The following FRRS1 variants were observed in gnomAD, a reference collection of about 807,000 sequenced individuals.
The protein encoded by FRRS1 is ferric reductase 1.
FRRS1 carries 51 observed loss-of-function variants against 70.7 expected under a neutral mutation model. The ratio of observed to expected loss-of-function variants is 0.72; its 90% CI spans 0.58 to 0.91. The LOEUF (loss-of-function observed/expected upper bound fraction) is 0.91, where lower values mean the gene tolerates loss of function less well. Ranked by LOEUF, FRRS1 falls within the 40% of genes least tolerant of loss-of-function variation. FRRS1 has a pLI of 0.00. For synonymous variants in FRRS1, 225 were observed against 238.7 expected (o/e 0.94, Z 0.53); for missense variants, 672 against 726.0 (o/e 0.93, Z 0.86).
chr1:99,754,193 C>A (rs1052065331), intron 1 of FRRS1, among the ~76,000 whole-genome samples: 1 of 152,106 alleles, frequency 6.6e-6, no homozygotes, highest in African/African-American at 2.4e-5. Flanking sequence ...AGGCTGGGTA[C>A]CATGGCTCAT....
At position 99,707,401 on chromosome 1, in the gene FRRS1, C is replaced by A. The variant is rs1051901667; in HGVS notation, c.*1627G>T. ...GAATACCTAAAGAAATAAAGTATGA[C>A]TTCCTAAATTTTTTATTTTAAAAAT... On this transcript the variant is annotated 3_prime_UTR_variant, in exon 17 of 17. Transcript: ENST00000646001. Among the ~76,000 whole-genome samples, 3 of 152,012 alleles carry A rather than the reference C, an allele frequency of 2.0e-5. No homozygotes were observed. Among genetic ancestry groups the A allele is most frequent in the Non-Finnish European group, 2.9e-5 (2 of 67,994 alleles).
In FRRS1 at chr1:99,736,921, A is replaced by G. The variant is rs557291296; in HGVS notation, c.759+1165T>C. 2.0e-5 allele frequency among the ~76,000 whole-genome samples: 3 copies of G among 151,840 alleles called. No individual in the cohort carries two copies. The East Asian group carries it at 5.8e-4, about 29-fold the overall frequency. The stretch of plus-strand genomic sequence containing the variant: ...GACCAATGTGATCAAGTGCACTTTC[A>G]GGACGAGCATTAGTTTTTCTATTAC... On this transcript the variant is annotated intron_variant, in intron 7 of 16. Transcript: ENST00000646001.
rs778763615 is a variant in FRRS1 at position 99,707,406 on chromosome 1, T to G, written c.*1622A>C. Among the ~76,000 whole-genome samples the G allele has an allele frequency of 3.9e-5, 6 of 152,174 alleles. No homozygotes were observed. Among genetic ancestry groups the G allele is most frequent in the Non-Finnish European group, 7.4e-5 (5 of 68,020 alleles). ...CCTAAAGAAATAAAGTATGACTTCCTAAATTTTTTATTTTAAAAATGCCCA... is the reference window on the plus strand; with the variant it reads ...CCTAAAGAAATAAAGTATGACTTCCGAAATTTTTTATTTTAAAAATGCCCA... On this transcript the variant is annotated 3_prime_UTR_variant, in exon 17 of 17. Coordinates refer to ENST00000646001, the MANE Select transcript of FRRS1 (RefSeq NM_001361041.2).
chr1:99,733,999 T>C (rs1415484409), intron 7 of FRRS1, among the ~76,000 whole-genome samples: 1 of 152,178 alleles, frequency 6.6e-6, no homozygotes, highest in Middle Eastern at 3.2e-3. Context: ...GATGTGGAAA[T>C]AATATCCCTT....
Position 99,708,378 on chromosome 1 carries a change from T to C in FRRS1, c.*650A>G, listed in dbSNP as rs999690705. On this transcript the variant is annotated 3_prime_UTR_variant, in exon 17 of 17. Transcript: ENST00000646001. ...ACTTTGGGAAGCTGAGGCAGGCAGA[T>C]CACAAGGTCAGGAGATCGAGACCAT... 3.3e-5 allele frequency among the ~76,000 whole-genome samples: 5 copies of C among 151,704 alleles called. No homozygotes were observed. The highest frequency in any genetic ancestry group is 1.2e-4 in the African/African-American group (5 of 41,276).
intron 9 of FRRS1, among the ~76,000 whole-genome samples, chr1:99,727,025 G>A (rs1338425104): frequency 2.0e-5 from 3 of 152,168 alleles, no homozygotes; most frequent in Non-Finnish European, 4.4e-5. Flanking sequence ...CATTTCCCAT[G>A]TTCTAAAGTA....
At chr1:99,728,751 A>G in intron 8 of FRRS1, 111 bp from the exon 9 acceptor site, 1 of 737,252 alleles carries the variant, frequency 1.4e-6, no homozygotes, top group African/African-American at 1.8e-5. Flanking sequence ...TCGTATGTCC[A>G]TGCTTTGTCT....
At position 99,704,879 on chromosome 1, in the gene FRRS1, C is replaced by A. The variant is rs192509540; in HGVS notation, c.*4149G>T. ...TAGCGGCCCAACTCCAGGGGAAAACCATCTCCCTTCTGGCTCCCCCATCTG... is the reference window on the plus strand; with the variant it reads ...TAGCGGCCCAACTCCAGGGGAAAACAATCTCCCTTCTGGCTCCCCCATCTG... On this transcript the variant is annotated 3_prime_UTR_variant, in exon 17 of 17. Transcript: ENST00000646001. Among the ~76,000 whole-genome samples, 73 of 152,254 alleles carry A rather than the reference C, an allele frequency of 4.8e-4. No homozygotes were observed. The highest frequency in any genetic ancestry group is 1.6e-3 in the African/African-American group (67 of 41,554).
intron 6 of FRRS1, among the ~76,000 whole-genome samples, chr1:99,740,048 T>C (rs1655876815): frequency 6.6e-6 from 1 of 152,214 alleles, no homozygotes; most frequent in Admixed American, 6.5e-5. Context: ...TTCTAACTGA[T>C]GAATTTACAA....
chr1:99,721,943 C>T (rs1259244096), intron 9 of FRRS1, among the ~76,000 whole-genome samples: 1 of 151,846 alleles, frequency 6.6e-6, no homozygotes, highest in Non-Finnish European at 1.5e-5. Context: ...AACATCCAGA[C>T]CGTTATATGG....
At chr1:99,735,179 A>AT (rs1655589501) in intron 7 of FRRS1, among the ~76,000 whole-genome samples, 1 of 152,206 alleles carries the variant, frequency 6.6e-6, no homozygotes, top group Admixed American at 6.5e-5. Flanking sequence ...AGGAAATGAT[A>AT]TTATTCAAGG....
chr1:99,724,839 T>C (rs1414855892), intron 9 of FRRS1, among the ~76,000 whole-genome samples: 1 of 151,990 alleles, frequency 6.6e-6, no homozygotes, highest in African/African-American at 2.4e-5. Flanking sequence ...TATATTTTTG[T>C]TAATAAACAG....
rs187139074 is a variant in FRRS1, at chr1:99,721,349, T to G, written c.1007-1702A>C. 2.7e-5 allele frequency among the ~76,000 whole-genome samples: 4 copies of G among 148,368 alleles called. No homozygotes were observed. In the Admixed American group the frequency reaches 2.7e-4, roughly 10 times the overall value. Reference sequence around the variant, plus strand: ...TTGCAGTGAGCAGAGATCCCACCACTGCACTCTAGACTGCGAGATAGAGCA... The same window carrying G: ...TTGCAGTGAGCAGAGATCCCACCACGGCACTCTAGACTGCGAGATAGAGCA... On this transcript the variant is annotated intron_variant, in intron 9 of 16. Coordinates refer to ENST00000646001, the MANE Select transcript of FRRS1 (RefSeq NM_001361041.2).
At chr1:99,715,778 G>C (rs1434422667) in intron 11 of FRRS1, 106 bp from the exon 12 acceptor site, 3 of 700,688 alleles carry the variant, frequency 4.3e-6, no homozygotes, top group Admixed American at 4.3e-5. Flanking sequence ...ATTCACTGAA[G>C]GCATGCATTC....
Position 99,735,576 on chromosome 1 carries a change from A to G in FRRS1, c.759+2510T>C, listed in dbSNP as rs943816493. On this transcript the variant is annotated intron_variant, in intron 7 of 16. Coordinates refer to ENST00000646001, the MANE Select transcript of FRRS1 (RefSeq NM_001361041.2). ...TAAAAATATATTTTGAGGATGATTCATTTCCCCCAAGTTAGTCAAACAGGT... is the reference window on the plus strand; with the variant it reads ...TAAAAATATATTTTGAGGATGATTCGTTTCCCCCAAGTTAGTCAAACAGGT... Among the ~76,000 whole-genome samples, 7 of 152,190 alleles carry G rather than the reference A, an allele frequency of 4.6e-5. No homozygotes were observed. The East Asian group carries it at 9.6e-4, about 21-fold the overall frequency.
chr1:99,706,066 G>A lies in FRRS1; in HGVS notation c.*2962C>T, dbSNP rs570723999. 6.6e-6 allele frequency among the ~76,000 whole-genome samples: 1 copy of A among 152,070 alleles called. No homozygotes were observed. The highest frequency in any genetic ancestry group is 2.1e-4 in the South Asian group (1 of 4,822). On this transcript the variant is annotated 3_prime_UTR_variant, in exon 17 of 17. Coordinates refer to ENST00000646001, the MANE Select transcript of FRRS1 (RefSeq NM_001361041.2). ...TACCAACCACCCATAAGCAGAAGAAGAATAATTTGGTTCTAATCAAAAGAT... is the reference window on the plus strand; with the variant it reads ...TACCAACCACCCATAAGCAGAAGAAAAATAATTTGGTTCTAATCAAAAGAT...
chr1:99,759,471 T>C (rs1571160743), intron 1 of FRRS1, among the ~76,000 whole-genome samples: 1 of 152,210 alleles, frequency 6.6e-6, no homozygotes, highest in East Asian at 1.9e-4. Flanking sequence ...GGGGCAAACC[T>C]GGTGGGCTTA....
At chr1:99,729,813 T>TA (rs1655257061) in intron 7 of FRRS1, 65 bp from the exon 8 acceptor site, 2 of 1,076,990 alleles carry the variant, frequency 1.9e-6, no homozygotes, top group Non-Finnish European at 2.8e-6. Flanking sequence ...TTTCTCTTTT[T>TA]AAAAAAGTAC....
chr1:99,710,492 T>C (rs1654221944), intron 15 of FRRS1, among the ~76,000 whole-genome samples: 1 of 152,204 alleles, frequency 6.6e-6, no homozygotes, highest in African/African-American at 2.4e-5. Flanking sequence ...TCTCAGGGTT[T>C]CCTCAGCTCT....
Sources: gnomAD v4.1 joint callset for allele counts (sites outside exome capture counted in the v4.1 genomes callset) on GRCh38, gnomAD v4.1.1 for gene constraint, MANE v1.5 for transcripts, NCBI Gene and HGNC (gene_info 2026-07-23, HGNC 2026-07-21) for gene names.